NEDD4: variants seen among roughly 807,000 people sequenced by gnomAD.
The protein encoded by NEDD4 is NEDD4 E3 ubiquitin protein ligase.
A neutral mutation model predicts 144.9 loss-of-function variants in NEDD4; 99 were observed. That is an observed-to-expected ratio of 0.68 (90% CI 0.58 to 0.81). The LOEUF (loss-of-function observed/expected upper bound fraction) is 0.81, where lower values mean the gene tolerates loss of function less well. NEDD4 is among the 30% of genes least tolerant of loss of function. The probability of loss-of-function intolerance (pLI) is 0.00; values close to 1 mark genes in which losing one functional copy is unlikely to be tolerated. For missense variants in NEDD4, 985 were observed against 1,065.9 expected (o/e 0.92, Z 1.06); for synonymous variants, 318 against 350.6 (o/e 0.91, Z 1.04).
At position 55,948,278 on chromosome 15, in the gene NEDD4, A is replaced by T. The variant is rs151285734; in HGVS notation, c.237+3098T>A. ...AGGACCTCTTCAAGGAGAACTACTCAAACTACTGCTCAATGAAATAAAAGA... is the reference window on the plus strand; with the variant it reads ...AGGACCTCTTCAAGGAGAACTACTCTAACTACTGCTCAATGAAATAAAAGA... On this transcript the variant is annotated intron_variant, in intron 4 of 28. Coordinates refer to ENST00000435532, the MANE Select transcript of NEDD4 (RefSeq NM_006154.4). 3.5e-4 allele frequency among the ~76,000 whole-genome samples: 54 copies of T among 152,362 alleles called. 1 individual carries two copies. The East Asian group carries it at 9.6e-3, about 27-fold the overall frequency.
chr15:55,856,410 T>G (rs901697338), intron 11 of NEDD4, among the ~76,000 whole-genome samples: 4 of 152,166 alleles, frequency 2.6e-5, no homozygotes, highest in Admixed American at 6.6e-5. Context: ...CGTGCTGGAC[T>G]GCCTCCTGGA....
chr15:55,841,692 C>A (rs1367798159), intron 19 of NEDD4, among the ~76,000 whole-genome samples: 6 of 152,130 alleles, frequency 3.9e-5, no homozygotes, highest in Non-Finnish European at 7.3e-5. Flanking sequence ...CTGCCTCAGC[C>A]TCCTGAGTAG....
chr15:55,967,202 A>G (rs2037528512), intron 1 of NEDD4, among the ~76,000 whole-genome samples: 1 of 152,180 alleles, frequency 6.6e-6, no homozygotes, highest in African/African-American at 2.4e-5. Flanking sequence ...AATTTGTAAT[A>G]ACTACTTAGA....
intron 4 of NEDD4, among the ~76,000 whole-genome samples, chr15:55,937,365 T>C (rs139522803): frequency 9.9e-5 from 15 of 152,268 alleles, no homozygotes; most frequent in Non-Finnish European, 1.8e-4. Context: ...AAGAGGAAAA[T>C]AGAGGACCAC....
Position 55,840,031 on chromosome 15 carries a change from T to A in NEDD4, c.2031+416A>T, listed in dbSNP as rs1376876259. ...ATATATATATATATATATATATATA[T>A]ATATATATATAACATTCATCATAAA... is the stretch of plus-strand genomic sequence containing the variant. On this transcript the variant is annotated intron_variant, in intron 21 of 28. Coordinates refer to ENST00000435532, the MANE Select transcript of NEDD4 (RefSeq NM_006154.4). Among the ~76,000 whole-genome samples, 4 of 71,094 alleles carry A rather than the reference T, an allele frequency of 5.6e-5. 1 individual carries two copies. Among genetic ancestry groups the A allele is most frequent in the South Asian group, 4.5e-4 (1 of 2,210 alleles). 46.6% of individuals were successfully genotyped at this position (71,094 alleles called of 152,430 possible).
intron 9 of NEDD4, among the ~76,000 whole-genome samples, chr15:55,862,580 A>C (rs1244860727): frequency 6.6e-6 from 1 of 152,160 alleles, no homozygotes; most frequent in Non-Finnish European, 1.5e-5. Context: ...ATTACATTTT[A>C]ATAACAAACT....
chr15:55,843,284 G>GT (rs2033598670), intron 18 of NEDD4, among the ~76,000 whole-genome samples: 2 of 152,184 alleles, frequency 1.3e-5, no homozygotes, highest in Admixed American at 1.3e-4. Flanking sequence ...GGAATGGCAG[G>GT]TTAACGTGTT....
chr15:55,872,835 T>C (rs2034852019), intron 6 of NEDD4, among the ~76,000 whole-genome samples: 1 of 151,610 alleles, frequency 6.6e-6, no homozygotes, highest in African/African-American at 2.4e-5. Flanking sequence ...GAGATAATTC[T>C]AGGAGATCAA....
intron 4 of NEDD4, among the ~76,000 whole-genome samples, chr15:55,940,702 G>GT (rs1183248927): frequency 1.8e-4 from 27 of 150,286 alleles, no homozygotes; most frequent in South Asian, 8.5e-4. Flanking sequence ...GAAGAGGGTC[G>GT]TTTTTTTTTG....
chr15:55,832,904 T>G, intron 27 of NEDD4, 104 bp downstream of exon 27: 1 of 749,190 alleles, frequency 1.3e-6, no homozygotes, highest in Non-Finnish European at 2.2e-6. Context: ...CTTTTTAAAA[T>G]TAAGCTAAGT....
At chr15:55,970,532 C>G (rs1456294485) in intron 1 of NEDD4, among the ~76,000 whole-genome samples, 1 of 152,204 alleles carries the variant, frequency 6.6e-6, no homozygotes. Flanking sequence ...GATTGTGTCA[C>G]CCTTCTGCCA....
At chr15:55,876,291 A>G (rs1595783505) in intron 5 of NEDD4, among the ~76,000 whole-genome samples, 2 of 152,288 alleles carry the variant, frequency 1.3e-5, no homozygotes, top group Admixed American at 6.5e-5. Context: ...GGCACCAGAT[A>G]GAAATTCAGA....
chr15:55,876,490 G>A (rs1488101409), intron 5 of NEDD4, among the ~76,000 whole-genome samples: 1 of 152,012 alleles, frequency 6.6e-6, no homozygotes, highest in African/African-American at 2.4e-5. Context: ...CAAGATAGGT[G>A]GAATAATCAA....
chr15:55,836,331 G>GACACACACAC (rs10526731), intron 24 of NEDD4, among the ~76,000 whole-genome samples: 4 of 147,942 alleles, frequency 2.7e-5, no homozygotes, highest in African/African-American at 1.0e-4. Flanking sequence ...AAAAGTATGT[G>GACACACACAC]ACACACACAC....
chr15:55,916,767 G>C, intron 5 of NEDD4: 1 of 1,613,820 alleles, frequency 6.2e-7, no homozygotes, highest in Non-Finnish European at 8.5e-7. Context: ...ATCTCCGGAG[G>C]TTTCTGACAA....
In NEDD4 at chr15:55,838,132, T is replaced by C; in HGVS notation, c.2176A>G (p.Asn726Asp). The C allele has an allele frequency of 6.3e-7, 1 of 1,589,022 alleles. No individual in the cohort carries two copies. The highest frequency in any genetic ancestry group is 1.1e-5 in the South Asian group (1 of 88,082). ...TAAATATATTCCTTTTTGTTCTTAT[T>C]GGTGACAACTATTTCTGATCCACCA... ...KNGGSEIVVT[N>D]KNKKEYIYLV... Residue 726 changes from asparagine (N) to aspartate (D), a missense_variant, in exon 23 of 29, where the codon AAT becomes GAT. Asn to Asp is a conservative substitution (Grantham distance 23). Transcript: ENST00000435532.
intron 1 of NEDD4, among the ~76,000 whole-genome samples, chr15:55,976,116 T>A (rs1244277302): frequency 3.9e-5 from 6 of 152,216 alleles, no homozygotes; most frequent in African/African-American, 1.4e-4. Flanking sequence ...TCTTGTCATA[T>A]ACAAAAATCA....
intron 24 of NEDD4, among the ~76,000 whole-genome samples, chr15:55,836,712 G>T (rs1018696755): frequency 1.3e-5 from 2 of 152,062 alleles, no homozygotes; most frequent in East Asian, 3.9e-4. Flanking sequence ...ATTTTTAGTA[G>T]AGACAGGGTT....
At chr15:55,969,541 G>C (rs1273178017) in intron 1 of NEDD4, among the ~76,000 whole-genome samples, 1 of 152,104 alleles carries the variant, frequency 6.6e-6, no homozygotes, top group African/African-American at 2.4e-5. Context: ...AAGAGTAGAG[G>C]AGACTATGTT....
Sources: gnomAD v4.1 joint callset for allele counts (sites outside exome capture counted in the v4.1 genomes callset) on GRCh38, gnomAD v4.1.1 for gene constraint, MANE v1.5 for transcripts, NCBI Gene and HGNC (gene_info 2026-07-23, HGNC 2026-07-21) for gene names.